The following COL4A4 variants were observed in gnomAD, a reference collection of about 807,000 sequenced individuals.
COL4A4 encodes the protein collagen type IV alpha 4 chain.
COL4A4 carries 105 observed loss-of-function variants against 192.9 expected under a neutral mutation model. The ratio of observed to expected loss-of-function variants is 0.54; its 90% CI spans 0.46 to 0.64. The LOEUF (loss-of-function observed/expected upper bound fraction) is 0.64. COL4A4 is among the 30% of genes least tolerant of loss of function. The pLI, the probability that COL4A4 is intolerant of heterozygous loss-of-function variation, is 0.00. For synonymous variants in COL4A4, 762 were observed against 769.9 expected (o/e 0.99, Z 0.17); for missense variants, 1,967 against 2,169.3 (o/e 0.91, Z 1.85).
chr2:227,066,664 G>C (rs2058359517), intron 25 of COL4A4, among the ~76,000 whole-genome samples: 1 of 148,792 alleles, frequency 6.7e-6, no homozygotes, highest in Non-Finnish European at 1.5e-5. Flanking sequence ...ACAAGCAAAT[G>C]CTGAGAGATT....
At chr2:227,057,707 G>A in intron 28 of COL4A4, 107 bp from the exon 29 acceptor site, 1 of 1,174,232 alleles carries the variant, frequency 8.5e-7, no homozygotes, top group Non-Finnish European at 1.2e-6. Context: ...TTTTCATCCT[G>A]AATCAGTGTT....
intron 37 of COL4A4, among the ~76,000 whole-genome samples, chr2:227,040,867 A>G (rs1449652847): frequency 1.3e-5 from 2 of 152,134 alleles, no homozygotes; most frequent in East Asian, 1.9e-4. Context: ...CCAAAAAAGT[A>G]CTTTTTCTAA....
intron 22 of COL4A4, among the ~76,000 whole-genome samples, chr2:227,084,042 G>C (rs2059457625): frequency 6.6e-6 from 1 of 152,162 alleles, no homozygotes; most frequent in Admixed American, 6.5e-5. Flanking sequence ...ATAGCATCCT[G>C]TTTGTAGCAA....
At chr2:226,995,861 T>C in the COL4A4 span, 1 of 257,150 alleles carries the variant, frequency 3.9e-6, no homozygotes. Context: ...AGGTTTTACT[T>C]ACACCAGTCG....
At chr2:227,130,699 C>T (rs937218457) in intron 4 of COL4A4, among the ~76,000 whole-genome samples, 1 of 152,352 alleles carries the variant, frequency 6.6e-6, no homozygotes, top group East Asian at 1.9e-4. Context: ...ACCTTTCTTT[C>T]TGAGTGCCAG....
intron 22 of COL4A4, among the ~76,000 whole-genome samples, chr2:227,085,305 C>T (rs12620324): frequency 0.3 from 45,734 of 151,962 alleles, 8,459 homozygotes; most frequent in South Asian, 0.41. Flanking sequence ...GCAGCCACAG[C>T]AGCAGTGGGA....
At chr2:227,014,144 A>C (rs891636394) in intron 44 of COL4A4, among the ~76,000 whole-genome samples, 7 of 152,190 alleles carry the variant, frequency 4.6e-5, no homozygotes, top group Admixed American at 1.3e-4. Flanking sequence ...CCTGGACTCA[A>C]TCTTCCTCCT....
At chr2:227,037,015 T>C (rs1969822376) in intron 37 of COL4A4, among the ~76,000 whole-genome samples, 1 of 152,214 alleles carries the variant, frequency 6.6e-6, no homozygotes, top group South Asian at 2.1e-4. Flanking sequence ...CTTATATTAC[T>C]TTCCAACTAG....
intron 5 of COL4A4, among the ~76,000 whole-genome samples, chr2:227,120,198 A>G (rs1477746734): frequency 1.3e-5 from 2 of 152,130 alleles, no homozygotes; most frequent in Non-Finnish European, 2.9e-5. Context: ...AACACTCCGA[A>G]TCTCGATCCT....
At chr2:227,034,723 C>G (rs368786352) in intron 37 of COL4A4, among the ~76,000 whole-genome samples, 17 of 117,430 alleles carry the variant, frequency 1.4e-4, no homozygotes, top group African/African-American at 4.7e-4. Flanking sequence ...TCCCTCCCCC[C>G]ACCCCACAAC....
At chr2:227,066,684 C>G (rs2150352386) in intron 25 of COL4A4, among the ~76,000 whole-genome samples, 1 of 148,642 alleles carries the variant, frequency 6.7e-6, no homozygotes, top group African/African-American at 2.5e-5. Flanking sequence ...TTTGTCACCA[C>G]CAGGCCTGCC....
chr2:227,154,287 G>A (rs1002030757), intron 1 of COL4A4, among the ~76,000 whole-genome samples: 2 of 152,148 alleles, frequency 1.3e-5, no homozygotes, highest in Non-Finnish European at 2.9e-5. Flanking sequence ...GACAGGTTTG[G>A]GAACAAGATC....
chr2:226,982,076 C>G, the COL4A4 span, among the ~76,000 whole-genome samples: 118 of 152,294 alleles, frequency 7.7e-4, no homozygotes, highest in African/African-American at 2.7e-3. Flanking sequence ...TTTCAACTTC[C>G]CCCCGCCCTC....
intron 1 of COL4A4, among the ~76,000 whole-genome samples, chr2:227,147,847 A>T (rs2063650565): frequency 2.0e-5 from 3 of 148,628 alleles, no homozygotes; most frequent in Non-Finnish European, 4.5e-5. Flanking sequence ...ATTTTTAAAT[A>T]TAAAATATAT....
In COL4A4 at chr2:227,007,084, C is replaced by G. The variant is rs978815739; in HGVS notation, c.*241G>C. 3.9e-5 allele frequency: 24 copies of G among 613,234 alleles called. No individual in the cohort carries two copies. In the African/African-American group the frequency reaches 4.2e-4, roughly 11 times the overall value. The allele number at this position is 613,234 out of a possible 1,614,324, so 38.0% of individuals were successfully genotyped here. On this transcript the variant is annotated 3_prime_UTR_variant, in exon 48 of 48. Coordinates refer to ENST00000396625, the MANE Select transcript of COL4A4 (RefSeq NM_000092.5). ...TTTTAAGTAAAGCCAGTTCTTCGAT[C>G]ATCCTCAGTAAAATAAGAGTATCTA...
At chr2:227,135,728 C>T (rs372502898) in intron 4 of COL4A4, among the ~76,000 whole-genome samples, 1 of 152,102 alleles carries the variant, frequency 6.6e-6, no homozygotes, top group African/African-American at 2.4e-5. Context: ...CTGTAACCTC[C>T]GCCTCATGGG....
At chr2:226,985,599 A>G in the COL4A4 span, among the ~76,000 whole-genome samples, 29 of 152,264 alleles carry the variant, frequency 1.9e-4, no homozygotes, top group Admixed American at 7.8e-4. Context: ...CTGTAGCTCA[A>G]TGGTTCTCAA....
the COL4A4 span, among the ~76,000 whole-genome samples, chr2:226,985,504 A>T: frequency 6.6e-6 from 1 of 152,264 alleles, no homozygotes; most frequent in Non-Finnish European, 1.5e-5. Context: ...ATTTAATGTC[A>T]TAGGCCTCTG....
rs551219850 is a variant in COL4A4, at chr2:227,115,730, G to A, written c.490-1034C>T. Among the ~76,000 whole-genome samples, 337 of 152,244 alleles carry A rather than the reference G, an allele frequency of 2.2e-3. 1 individual carries two copies. Among genetic ancestry groups the A allele is most frequent in the Non-Finnish European group, 3.6e-3 (248 of 68,018 alleles). On this transcript the variant is annotated intron_variant, in intron 7 of 47. Coordinates refer to ENST00000396625, the MANE Select transcript of COL4A4 (RefSeq NM_000092.5). Reference sequence around the variant, plus strand: ...TGATGGGAGATATTTAACAGCATAAGGTTAAATTGCATCAACAATTTACTT... The same window carrying A: ...TGATGGGAGATATTTAACAGCATAAAGTTAAATTGCATCAACAATTTACTT...
Sources: allele counts gnomAD v4.1 joint callset (sites outside exome capture counted in the v4.1 genomes callset), GRCh38; gene constraint gnomAD v4.1.1; transcripts MANE v1.5; gene names NCBI Gene and HGNC (gene_info 2026-07-23, HGNC 2026-07-21).